Variants in SLC10A2 observed in about 807,000 individuals in gnomAD.
SLC10A2 encodes ileal sodium/bile acid cotransporter.
SLC10A2 carries 34 observed loss-of-function variants against 27.1 expected under a neutral mutation model. The observed-to-expected ratio is 1.26, with a 90% confidence interval of 0.96 to 1.67. SLC10A2 has a LOEUF of 1.67. Ranked by LOEUF, SLC10A2 falls within the 40% of genes most tolerant of loss-of-function variation. The probability of loss-of-function intolerance (pLI) is 0.00; values close to 1 mark genes in which losing one functional copy is unlikely to be tolerated. For synonymous variants in SLC10A2, 205 were observed against 174.0 expected, an observed-to-expected ratio of 1.18 and a Z score of -1.40; for missense variants, 530 against 444.4, an observed-to-expected ratio of 1.19 and a Z score of -1.73.
intron 1 of SLC10A2, among the ~76,000 whole-genome samples, chr13:103,062,320 C>T (rs1876148564): frequency 6.6e-6 from 1 of 152,210 alleles, no homozygotes; most frequent in Non-Finnish European, 1.5e-5. Flanking sequence ...AATTCTGACT[C>T]AGGCATACAT....
At chr13:103,065,584 A>T (rs2138927781) in intron 1 of SLC10A2, among the ~76,000 whole-genome samples, 1 of 152,270 alleles carries the variant, frequency 6.6e-6, no homozygotes, top group South Asian at 2.1e-4. Flanking sequence ...TTTGGAAAAG[A>T]TTACTTTTTT....
intron 5 of SLC10A2, 126 bp from the exon 6 acceptor site, chr13:103,046,386 A>T: frequency 1.3e-6 from 1 of 782,022 alleles, no homozygotes; most frequent in South Asian, 1.6e-5. Context: ...GAGGCTGCTT[A>T]GAGAAAGAAA....
At chr13:103,055,585 A>T (rs1875914394) in intron 2 of SLC10A2, among the ~76,000 whole-genome samples, 1 of 152,190 alleles carries the variant, frequency 6.6e-6, no homozygotes, top group Non-Finnish European at 1.5e-5. Context: ...ACCAACAGCA[A>T]AAAGGTGAGC....
intron 1 of SLC10A2, among the ~76,000 whole-genome samples, chr13:103,061,779 C>A (rs556617778): frequency 6.6e-6 from 1 of 152,002 alleles, no homozygotes; most frequent in South Asian, 2.1e-4. Flanking sequence ...GAAGTTGATG[C>A]TATTTGAATG....
chr13:103,049,253 A>G, intron 5 of SLC10A2, 36 bp downstream of exon 5: 1 of 1,611,288 alleles, frequency 6.2e-7, no homozygotes, highest in Non-Finnish European at 8.5e-7. Context: ...GATTTTTCAA[A>G]GATTATCATG....
chr13:103,054,893 G>A (rs1353637837), intron 2 of SLC10A2, among the ~76,000 whole-genome samples: 2 of 152,026 alleles, frequency 1.3e-5, no homozygotes. Flanking sequence ...ATATGCCCAT[G>A]TTCTCTCTGT....
chr13:103,049,156 T>C (rs1452946000), intron 5 of SLC10A2, 133 bp downstream of exon 5: 3 of 878,636 alleles, frequency 3.4e-6, no homozygotes, highest in East Asian at 5.3e-5. Context: ...CATGATAATA[T>C]GACGGTGGCT....
chr13:103,066,402 G>A lies in SLC10A2; in HGVS notation c.-153C>T. 1 of 702,740 alleles carries A rather than the reference G, an allele frequency of 1.4e-6. No homozygotes were observed. The highest frequency in any genetic ancestry group is 2.2e-6 in the Non-Finnish European group (1 of 450,336). 43.5% of individuals were successfully genotyped at this position (702,740 alleles called of 1,614,324 possible). On this transcript the variant is annotated 5_prime_UTR_variant, in exon 1 of 6. Transcript: ENST00000245312. ...ATGTCACTTGGTGTCTCTTTTGAAA[G>A]CCACCTTAGGGAAGTAATAAAAAAC...
At chr13:103,063,215 T>TG (rs1876177344) in intron 1 of SLC10A2, among the ~76,000 whole-genome samples, 3 of 152,110 alleles carry the variant, frequency 2.0e-5, no homozygotes, top group Admixed American at 1.3e-4. Flanking sequence ...TCTATTTTTT[T>TG]TTTGTTTTTC....
chr13:103,057,331 A>C (rs577938360), intron 2 of SLC10A2, among the ~76,000 whole-genome samples: 6 of 152,328 alleles, frequency 3.9e-5, no homozygotes, highest in African/African-American at 1.4e-4. Flanking sequence ...AAGTTACAAC[A>C]ATAACTTAAT....
At chr13:103,048,851 C>T (rs1237345049) in intron 5 of SLC10A2, among the ~76,000 whole-genome samples, 1 of 152,180 alleles carries the variant, frequency 6.6e-6, no homozygotes, top group Non-Finnish European at 1.5e-5. Context: ...ACACACACAT[C>T]TTCCTTGTAA....
intron 5 of SLC10A2, among the ~76,000 whole-genome samples, chr13:103,048,382 G>C (rs1429400351): frequency 6.7e-5 from 10 of 148,188 alleles, no homozygotes; most frequent in African/African-American, 2.3e-4. Context: ...CAGAGTGAGG[G>C]GCTGTCTCAA....
Position 103,045,965 on chromosome 13 carries a change from G to T in SLC10A2, c.*168C>A. On this transcript the variant is annotated 3_prime_UTR_variant, in exon 6 of 6. Transcript: ENST00000245312. ...AGGAAACAATATTTGTCCCATTAAA[G>T]AATTGGGCCACCAGTCACTTGGTAC... The T allele has an allele frequency of 1.5e-6, 1 of 671,572 alleles. No individual in the cohort carries two copies. The highest frequency in any genetic ancestry group is 2.5e-6 in the Non-Finnish European group (1 of 392,164). The allele number at this position is 671,572 out of a possible 1,614,324, so 41.6% of individuals were successfully genotyped here. A position where few individuals can be genotyped will look rare whatever the true frequency, so the allele number is the denominator to read the frequency against.
rs41281678 is a variant in SLC10A2 at position 103,052,700 on chromosome 13, G to A, written c.505C>T (p.Leu169=). 0.024 allele frequency: 38,303 copies of A among 1,596,202 alleles called. 561 individuals carry two copies. Among genetic ancestry groups the A allele is most frequent in the African/African-American group, 0.041 (3,072 of 74,572 alleles). ...VIPYDNIGTS[L]VSLVVPVSIG... ...GAAACAGGAACAACGAGAGAAACCA[G>A]AGATGTACCTAAAGATGACAGAAGG... The change falls in exon 3 of 6, where the codon CTG becomes TTG. Residue 169 remains leucine, a synonymous_variant. Coordinates refer to ENST00000245312, the MANE Select transcript of SLC10A2 (RefSeq NM_000452.3).
At chr13:103,053,718 T>C (rs923419817) in intron 2 of SLC10A2, among the ~76,000 whole-genome samples, 8 of 152,120 alleles carry the variant, frequency 5.3e-5, no homozygotes, top group Non-Finnish European at 1.0e-4. Context: ...AGATATTAAT[T>C]TAAAGTGAAT....
intron 1 of SLC10A2, among the ~76,000 whole-genome samples, chr13:103,060,383 T>G (rs1199153695): frequency 5.7e-5 from 1 of 17,592 alleles, no homozygotes; most frequent in African/African-American, 9.4e-5. Context: ...CTACTACCAT[T>G]TTTTTTTTTT....
intron 1 of SLC10A2, among the ~76,000 whole-genome samples, chr13:103,058,969 T>C (rs1876023140): frequency 6.6e-6 from 1 of 152,242 alleles, no homozygotes; most frequent in Non-Finnish European, 1.5e-5. Flanking sequence ...TTTGGGTATA[T>C]ACCCAGTAAT....
chr13:103,049,236 A>G, intron 5 of SLC10A2, 53 bp downstream of exon 5: 1 of 1,600,174 alleles, frequency 6.2e-7, no homozygotes, highest in South Asian at 1.1e-5. Context: ...TGTTTTAGCA[A>G]CTCCAGGATT....
Position 103,052,725 on chromosome 13 carries a change from G to C in SLC10A2, c.497-17C>G. 3 of 1,470,158 alleles carry C rather than the reference G, an allele frequency of 2.0e-6. No individual in the cohort carries two copies. In the South Asian group the frequency reaches 3.4e-5, roughly 17 times the overall value. 91.1% of individuals were successfully genotyped at this position (1,470,158 alleles called of 1,614,324 possible). Reference sequence around the variant, plus strand: ...GAGATGTACCTAAAGATGACAGAAGGGCAATGTGATCAGCAGAACAGGTGA... The same window carrying C: ...GAGATGTACCTAAAGATGACAGAAGCGCAATGTGATCAGCAGAACAGGTGA... On this transcript the variant is annotated splice_polypyrimidine_tract_variant and intron_variant, in intron 2 of 5. Transcript: ENST00000245312.
Sources: gnomAD v4.1 joint callset for allele counts (sites outside exome capture counted in the v4.1 genomes callset) on GRCh38, gnomAD v4.1.1 for gene constraint, MANE v1.5 for transcripts, NCBI Gene and HGNC (gene_info 2026-07-23, HGNC 2026-07-21) for gene names.